RNF130: variants seen among roughly 807,000 people sequenced by gnomAD.
The protein encoded by RNF130 is E3 ubiquitin-protein ligase RNF130.
RNF130 carries 21 observed loss-of-function variants against 44.6 expected under a neutral mutation model. The ratio of observed to expected loss-of-function variants is 0.47; its 90% CI spans 0.33 to 0.68. The LOEUF is 0.68. RNF130 is among the 30% of genes least tolerant of loss of function. The probability of loss-of-function intolerance (pLI) is 0.02; values close to 1 mark genes in which losing one functional copy is unlikely to be tolerated. For synonymous variants in RNF130, 214 were observed against 210.4 expected, an observed-to-expected ratio of 1.02 and a Z score of -0.15; for missense variants, 479 against 560.6, an observed-to-expected ratio of 0.85 and a Z score of 1.47.
At chr5:179,948,961 ATT>A (rs554440602) in intron 7 of RNF130, among the ~76,000 whole-genome samples, 29 of 128,566 alleles carry the variant, frequency 2.3e-4, no homozygotes, top group Admixed American at 4.8e-4. Context: ...CCTTGGAATA[ATT>A]TTTTTTTTTT....
At chr5:180,045,813 G>A (rs906521847) in intron 1 of RNF130, among the ~76,000 whole-genome samples, 4 of 152,236 alleles carry the variant, frequency 2.6e-5, no homozygotes, top group African/African-American at 9.6e-5. Context: ...AGTGACTGGT[G>A]CCTTTACAAA....
intron 2 of RNF130, among the ~76,000 whole-genome samples, chr5:180,034,047 C>A (rs1764193524): frequency 6.6e-6 from 1 of 151,384 alleles, no homozygotes; most frequent in Admixed American, 6.6e-5. Flanking sequence ...GGCTTTTCCA[C>A]AGATGCCCTT....
At chr5:179,948,553 C>A (rs553692594) in intron 7 of RNF130, among the ~76,000 whole-genome samples, 1 of 152,124 alleles carries the variant, frequency 6.6e-6, no homozygotes, top group East Asian at 1.9e-4. Context: ...CGCCTGTAAT[C>A]CCAGCTACTC....
In RNF130 at chr5:179,981,041, G is replaced by A. The variant is rs1216598934; in HGVS notation, c.694-841C>T. Among the ~76,000 whole-genome samples the A allele has an allele frequency of 2.0e-5, 3 of 152,196 alleles. No homozygotes were observed. The South Asian group carries it at 6.2e-4, about 32-fold the overall frequency. On this transcript the variant is annotated intron_variant, in intron 3 of 8. Transcript: ENST00000521389. Reference sequence around the variant, plus strand: ...ACGTCAGGGAAGGTCTTGAGGAGTCGAGGCCTGGACTAAGACTGGGAAGGG... The same window carrying A: ...ACGTCAGGGAAGGTCTTGAGGAGTCAAGGCCTGGACTAAGACTGGGAAGGG...
chr5:180,068,707 C>T (rs755942351), intron 1 of RNF130, among the ~76,000 whole-genome samples: 2 of 152,200 alleles, frequency 1.3e-5, no homozygotes, highest in Non-Finnish European at 2.9e-5. Context: ...CAATCCACAG[C>T]TTCAAAATGA....
chr5:179,917,187 T>A (rs1356483014), exon 8 of RNF130: 1 of 117,712 alleles, frequency 8.5e-6, no homozygotes, highest in South Asian at 3.5e-4. Context: ...CAAGACTCCG[T>A]CTCAAAAAAA....
intron 4 of RNF130, among the ~76,000 whole-genome samples, chr5:179,979,144 G>A (rs1762775830): frequency 6.6e-6 from 1 of 151,822 alleles, no homozygotes; most frequent in East Asian, 1.9e-4. Context: ...TACTATTGTG[G>A]CAGCTGAGGC....
In RNF130 at chr5:180,000,807, G is replaced by A. The variant is rs72813786; in HGVS notation, c.693+12254C>T. On this transcript the variant is annotated intron_variant, in intron 3 of 8. Coordinates refer to ENST00000521389, the MANE Select transcript of RNF130 (RefSeq NM_018434.6). ...CCCCAACTCTATTGATTGTCTACAC[G>A]TTTTCTTGTATCTCTCTGAGTTTCC... Among the ~76,000 whole-genome samples, 1,351 of 152,138 alleles carry A rather than the reference G, an allele frequency of 8.9e-3. 14 individuals are homozygous for A. The highest frequency in any genetic ancestry group is 0.016 in the Non-Finnish European group (1,092 of 68,010).
At chr5:180,030,813 T>C (rs1561699609) in intron 2 of RNF130, among the ~76,000 whole-genome samples, 1 of 152,250 alleles carries the variant, frequency 6.6e-6, no homozygotes. Context: ...GTGTCTGGCT[T>C]CTTTCGTTTA....
intron 2 of RNF130, among the ~76,000 whole-genome samples, chr5:180,031,295 C>T (rs1211808751): frequency 2.0e-5 from 3 of 152,012 alleles, no homozygotes; most frequent in African/African-American, 2.4e-5. Context: ...GAGACCAGCC[C>T]GGCCAGTATG....
chr5:179,980,190 C>G lies in RNF130; in HGVS notation c.704G>C (p.Gly235Ala). 7.4e-6 allele frequency: 12 copies of G among 1,614,034 alleles called. No homozygotes were observed. The highest frequency in any genetic ancestry group is 1.0e-5 in the Non-Finnish European group (12 of 1,179,978). Residue 235 changes from glycine to alanine, a missense_variant, in exon 4 of 9, where the codon GGA becomes GCA. Gly to Ala is a moderately conservative substitution (Grantham distance 60). This residue lies in a region of RNF130 where 180 missense variants were observed against 275.1 expected (regional missense o/e 0.65). Transcript: ENST00000521389. ...ACTGATGGCTTTCTTGGCTGCATCT[C>G]CGAGACGACGCTATGAAAATTGCAA... Reference protein sequence around the residue: ...NARDRNQRRLGDAAKKAISKL... With the variant: ...NARDRNQRRLADAAKKAISKL...
In RNF130 at chr5:179,955,617, C is replaced by A; in HGVS notation, c.*37G>T. The A allele has an allele frequency of 6.4e-7, 1 of 1,559,612 alleles. No homozygotes were observed. ...CACAAAAATAGGTTCTTTTTTCCTT[C>A]AAGGCAAAATCAGTCAGAAAGCAGG... On this transcript the variant is annotated 3_prime_UTR_variant, in exon 9 of 9. Coordinates refer to ENST00000521389, the MANE Select transcript of RNF130 (RefSeq NM_018434.6).
At chr5:179,953,694 C>A (rs1234306661), downstream of RNF130, among the ~76,000 whole-genome samples, 1 of 152,106 alleles carries the variant, frequency 6.6e-6, no homozygotes. Context: ...GTCTCTGTGA[C>A]CTTAAATTAG....
intron 3 of RNF130, among the ~76,000 whole-genome samples, chr5:179,989,373 T>C (rs959063858): frequency 1.3e-5 from 2 of 152,226 alleles, no homozygotes; most frequent in East Asian, 1.9e-4. Context: ...CATTATTGTA[T>C]TGGAGTGTAT....
Position 180,071,446 on chromosome 5 carries a change from C to G in RNF130, c.247+10G>C. ...CGACCACCGCCCGCCGCCCCCGGGC[C>G]GGCACTCACCTCCGTGGAGGGGCAG... On this transcript the variant is annotated intron_variant, in intron 1 of 8. Coordinates refer to ENST00000521389, the MANE Select transcript of RNF130 (RefSeq NM_018434.6). 1 of 1,236,968 alleles carries G rather than the reference C, an allele frequency of 8.1e-7. No individual in the cohort carries two copies. Among genetic ancestry groups the G allele is most frequent in the Non-Finnish European group, 1.0e-6 (1 of 989,322 alleles). 76.6% of individuals were successfully genotyped at this position (1,236,968 alleles called of 1,614,324 possible). A position where few individuals can be genotyped will look rare whatever the true frequency, so the allele number is the denominator to read the frequency against.
At chr5:179,938,346 C>T (rs1761926635) in intron 7 of RNF130, among the ~76,000 whole-genome samples, 1 of 151,898 alleles carries the variant, frequency 6.6e-6, no homozygotes, top group Non-Finnish European at 1.5e-5. Flanking sequence ...TCATATGAAG[C>T]ACCAGAACAG....
At chr5:180,020,769 T>C (rs1763851872) in intron 2 of RNF130, among the ~76,000 whole-genome samples, 1 of 152,094 alleles carries the variant, frequency 6.6e-6, no homozygotes, top group Non-Finnish European at 1.5e-5. Flanking sequence ...CAGAAAGCTT[T>C]CTTCCTTCAC....
Position 179,966,981 on chromosome 5 carries a change from T to A in RNF130, c.975A>T (p.Ala325=). The A allele has an allele frequency of 6.2e-7, 1 of 1,614,196 alleles. No individual in the cohort carries two copies. Among genetic ancestry groups the A allele is most frequent in the Non-Finnish European group, 8.5e-7 (1 of 1,180,026 alleles). Residue 325 remains alanine, a synonymous_variant, in exon 7 of 9, where the codon GCA becomes GCT. Transcript: ENST00000521389. ...TTCTGGTGAGCCTTTCCATATCGAA[T>A]GCTACGTTATCAGTACATGGCAAAT... ...VPNLPCTDNV[A]FDMERLTRTQ... is the part of the protein sequence containing the mutation.
At chr5:179,953,122 G>GAACT (rs71281059), downstream of RNF130, among the ~76,000 whole-genome samples, 92,569 of 151,496 alleles carry the variant, frequency 0.61, 28,613 homozygotes, top group Middle Eastern at 0.8. Flanking sequence ...AAAAATATGA[G>GAACT]AATAAATGAG....
Sources: allele counts gnomAD v4.1 joint callset (sites outside exome capture counted in the v4.1 genomes callset), GRCh38; gene constraint gnomAD v4.1.1; regional missense constraint gnomAD v4.1.1; transcripts MANE v1.5; gene names NCBI Gene and HGNC (gene_info 2026-07-23, HGNC 2026-07-21).